OBSL1: variants seen among roughly 807,000 people sequenced by gnomAD.
OBSL1 encodes the protein obscurin like cytoskeletal adaptor 1.
OBSL1 carries 160 observed loss-of-function variants against 172.0 expected under a neutral mutation model. That is an observed-to-expected ratio of 0.93 (90% confidence interval 0.82 to 1.06). OBSL1 has a LOEUF of 1.06. OBSL1 is among the 50% of genes least tolerant of loss of function. OBSL1 has a pLI of 0.00. For synonymous variants in OBSL1, 1,200 were observed against 1,196.3 expected (o/e 1.00, Z -0.06); for missense variants, 2,681 against 2,715.4 (o/e 0.99, Z 0.28).
At chr2:219,547,372 T>G, downstream of OBSL1, 1 of 692,242 alleles carries the variant, frequency 1.4e-6, no homozygotes, top group African/African-American at 1.8e-5. Context: ...ATGACTCCAG[T>G]GACCCTCAAT....
At position 219,567,826 on chromosome 2, in the gene OBSL1, A is replaced by T. The variant is rs1346286364; in HGVS notation, c.1426T>A (p.Ser476Thr). The T allele has an allele frequency of 1.2e-6, 2 of 1,613,896 alleles. No homozygotes were observed. Among genetic ancestry groups the T allele is most frequent in the East Asian group, 4.5e-5 (2 of 44,878 alleles). ...EELPVICQSS[S>T]GHMHALVLPG... ...AGGACCAGGGCATGCATGTGGCCTG[A>T]GCTGCTCTGGCAGATGACCGGCAGC... Residue 476 changes from serine (S) to threonine (T), a missense_variant, in exon 3 of 21, where the codon TCA becomes ACA. This residue lies in a region of OBSL1 where 706 missense variants were observed against 695.8 expected (regional missense o/e 1.01). Coordinates refer to ENST00000404537, the MANE Select transcript of OBSL1 (RefSeq NM_015311.3).
intron 8 of OBSL1, among the ~76,000 whole-genome samples, chr2:219,561,378 C>T (rs557025087): frequency 6.6e-6 from 1 of 152,232 alleles, no homozygotes; most frequent in East Asian, 1.9e-4. Context: ...TCCGTCACTT[C>T]CACAGTTGTC....
In OBSL1 at chr2:219,570,302, C is replaced by T. The variant is rs2106113429; in HGVS notation, c.931G>A (p.Ala311Thr). 1.9e-6 allele frequency: 3 copies of T among 1,610,396 alleles called. No homozygotes were observed. In the East Asian group the frequency reaches 6.7e-5, roughly 36 times the overall value. Residue 311 changes from alanine to threonine, a missense_variant, in exon 1 of 21, where the codon GCC becomes ACC. Ala to Thr is a moderately conservative substitution (Grantham distance 58, BLOSUM62 0). Around this residue, in one of 5 missense-constraint regions of OBSL1, gnomAD observed 706 missense variants for 695.8 expected, o/e 1.01. Coordinates refer to ENST00000404537, the MANE Select transcript of OBSL1 (RefSeq NM_015311.3). Reference sequence around the variant, plus strand: ...CAGACGTAGAGCCCACGATCCTTGGCCTGGCAGTAAAGCACCTTGAGCACG... The same window carrying T: ...CAGACGTAGAGCCCACGATCCTTGGTCTGGCAGTAAAGCACCTTGAGCACG... ...GFVLKVLYCQ[A>T]KDRGLYVCAA...
Position 219,570,689 on chromosome 2 carries a change from C to G in OBSL1, c.544G>C (p.Gly182Arg). The change falls in exon 1 of 21, where the codon GGC becomes CGC. Residue 182 changes from glycine (G) to arginine (R), a missense_variant. Coordinates refer to ENST00000404537, the MANE Select transcript of OBSL1 (RefSeq NM_015311.3). Reference protein sequence around the residue: ...WDSSHFALQPGRAEDGPGASL... With the variant: ...WDSSHFALQPRRAEDGPGASL... Reference sequence around the variant, plus strand: ...GCGCCGGGGCCGTCCTCGGCGCGGCCCGGCTGGAGCGCGAAGTGGCTGCTG... The same window carrying G: ...GCGCCGGGGCCGTCCTCGGCGCGGCGCGGCTGGAGCGCGAAGTGGCTGCTG... 1.3e-6 allele frequency: 2 copies of G among 1,508,728 alleles called. No homozygotes were observed. The highest frequency in any genetic ancestry group is 1.8e-6 in the Non-Finnish European group (2 of 1,134,952). The allele number at this position is 1,508,728 out of a possible 1,614,324, so 93.5% of individuals were successfully genotyped here.
Position 219,553,659 on chromosome 2 carries a change from G to C in OBSL1, c.4904C>G (p.Pro1635Arg). Residue 1635 changes from proline (P) to arginine (R), a missense_variant, in exon 16 of 21, where the codon CCA becomes CGA. Physicochemically the swap from Pro to Arg is moderately radical, Grantham distance 103 (BLOSUM62 -2). Around this residue, in one of 5 missense-constraint regions of OBSL1, gnomAD observed 1,765 missense variants for 1,748.3 expected, o/e 1.01. Transcript: ENST00000404537. ...GCCCTCGGTCACCTCTAGGTCGTGTGGCCCCCGCACGATGGTCACTGGGAC... is the reference window on the plus strand; with the variant it reads ...GCCCTCGGTCACCTCTAGGTCGTGTCGCCCCCGCACGATGGTCACTGGGAC... ...REVPVTIVRG[P>R]HDLEVTEGDT... 1 of 1,613,742 alleles carries C rather than the reference G, an allele frequency of 6.2e-7. No individual in the cohort carries two copies. Among genetic ancestry groups the C allele is most frequent in the Non-Finnish European group, 8.5e-7 (1 of 1,179,820 alleles).
In OBSL1 at chr2:219,557,537, A is replaced by G. The variant is rs1696117136; in HGVS notation, c.3872T>C (p.Val1291Ala). Residue 1291 changes from valine (V) to alanine (A), a missense_variant, in exon 12 of 21, where the codon GTG (valine) becomes GCG (alanine). By Grantham distance (64) the Val-to-Ala change is moderately conservative. Coordinates refer to ENST00000404537, the MANE Select transcript of OBSL1 (RefSeq NM_015311.3). ...AGGGCCCCCTGGCCCGGAGAGGTGC[A>G]CCACCAGCTCTAGGTCCCCGCCTGG... ...STPGGDLELV[V>A]HLSGPGGPVR... 3 of 1,552,642 alleles carry G rather than the reference A, an allele frequency of 1.9e-6. No homozygotes were observed. The highest frequency in any genetic ancestry group is 2.0e-5 in the Admixed American group (1 of 51,158).
At chr2:219,569,875 A>C (rs1697208547) in intron 1 of OBSL1, among the ~76,000 whole-genome samples, 1 of 152,188 alleles carries the variant, frequency 6.6e-6, no homozygotes, top group South Asian at 2.1e-4. Context: ...TCTGGTTGTG[A>C]ATTCAGTGGG....
Position 219,568,137 on chromosome 2 carries a change from G to C in OBSL1, c.1200C>G (p.His400Gln). The C allele has an allele frequency of 6.2e-7, 1 of 1,613,880 alleles. No homozygotes were observed. Among genetic ancestry groups the C allele is most frequent in the Non-Finnish European group, 8.5e-7 (1 of 1,179,904 alleles). ...TACCATCATCGTCTGCCTTCAGCCT[G>C]TGGATGATGAGGCGCCGGACAGTGC... ...EEGTVRRLII[H>Q]RLKADDDGIY... The change falls in exon 2 of 21, where the codon CAC (histidine) becomes CAG (glutamine). Residue 400 changes from histidine to glutamine, a missense_variant. This residue lies in a region of OBSL1 where 706 missense variants were observed against 695.8 expected (regional missense o/e 1.01). Transcript: ENST00000404537. This position sits in a 1 kb window ranked among gnomAD's most constrained non-coding sequence, Gnocchi z 4.1.
downstream of OBSL1, chr2:219,547,239 C>T (rs533250567): frequency 2.5e-5 from 9 of 358,884 alleles, no homozygotes; most frequent in Non-Finnish European, 3.5e-5. Flanking sequence ...ATCCTAACTC[C>T]TGTGATCCTC....
rs1696024108 is a variant in OBSL1, at chr2:219,556,578, C to T, written c.4212G>A (p.Gln1404=). ...TTGAACCATTCTGGGCCATCTCCACCTGGGGCCCTGGAGTGACGACGGCCC... is the reference window on the plus strand; with the variant it reads ...TTGAACCATTCTGGGCCATCTCCACTTGGGGCCCTGGAGTGACGACGGCCC... ...RNGAVVTPGP[Q]VEMAQNGSSR... is the part of the protein sequence containing the mutation. Residue 1404 remains glutamine, a synonymous_variant, in exon 13 of 21, where the codon CAG becomes CAA. Coordinates refer to ENST00000404537, the MANE Select transcript of OBSL1 (RefSeq NM_015311.3). The T allele has an allele frequency of 6.2e-7, 1 of 1,613,890 alleles. No homozygotes were observed. The highest frequency in any genetic ancestry group is 8.5e-7 in the Non-Finnish European group (1 of 1,179,906).
In OBSL1 at chr2:219,551,391, C is replaced by T. The variant is rs919662635; in HGVS notation, c.5683+138G>A. ...GCCCTGGGTGTGCTCTACCCCTCCC[C>T]TCCCCCATCCCCACCTCCTACGTAT... is the stretch of plus-strand genomic sequence containing the variant. On this transcript the variant is annotated intron_variant, in intron 20 of 20. Transcript: ENST00000404537. 1.6e-5 allele frequency: 22 copies of T among 1,363,296 alleles called. No individual in the cohort carries two copies. The African/African-American group carries it at 3.1e-4, about 19-fold the overall frequency. 84.4% of individuals were successfully genotyped at this position (1,363,296 alleles called of 1,614,324 possible).
In OBSL1 at chr2:219,556,164, G is replaced by A. The variant is rs747588851; in HGVS notation, c.4465C>T (p.Pro1489Ser). 9.3e-6 allele frequency: 15 copies of A among 1,613,422 alleles called. No homozygotes were observed. The highest frequency in any genetic ancestry group is 1.1e-5 in the Non-Finnish European group (13 of 1,179,782). Residue 1489 changes from proline (P) to serine (S), a missense_variant, in exon 14 of 21, where the codon CCC (proline) becomes TCC (serine). Around this residue, in one of 5 missense-constraint regions of OBSL1, gnomAD observed 1,765 missense variants for 1,748.3 expected, o/e 1.01. Transcript: ENST00000404537. The part of the protein sequence containing the change: ...GAVRWVRGGQ[P>S]LPHDSRLSMA... ...GACAGGCGAGAGTCGTGGGGCAGGG[G>A]CTGCCCACCTCGCACCCAGCGCACG...
chr2:219,568,005 T>C lies in OBSL1; in HGVS notation c.1283-36A>G. 6.2e-7 allele frequency: 1 copy of C among 1,609,298 alleles called. No homozygotes were observed. The highest frequency in any genetic ancestry group is 8.5e-7 in the Non-Finnish European group (1 of 1,176,238). Reference sequence around the variant, plus strand: ...GACAGGAATCCATCAACCTGGAATCTGAGCACCTGCCTGCCTCCGCCTCAG... The same window carrying C: ...GACAGGAATCCATCAACCTGGAATCCGAGCACCTGCCTGCCTCCGCCTCAG... On this transcript the variant is annotated intron_variant, in intron 2 of 20. Transcript: ENST00000404537. The surrounding 1 kb of genome is among the most constrained non-coding windows in gnomAD (Gnocchi z 4.1).
At chr2:219,550,896 C>T (rs928701332) in intron 20 of OBSL1, 54 bp from the exon 21 acceptor site, 5 of 1,595,306 alleles carry the variant, frequency 3.1e-6, no homozygotes, top group Non-Finnish European at 4.3e-6. Context: ...TACCACCTTC[C>T]TCTCCCCTGG....
chr2:219,557,073 A>G (rs893545802), intron 12 of OBSL1: 4 of 481,942 alleles, frequency 8.3e-6, no homozygotes, highest in African/African-American at 3.9e-5. Flanking sequence ...AACTTGGCCA[A>G]TGTCACACAG....
rs774620411 is a variant in OBSL1 at position 219,566,887 on chromosome 2, C to G, written c.2077G>C (p.Ala693Pro). ...CCGGGGCAGCTGAAGCCGACCAGGG[C>G]ACCGCTGTCCTGGTGCTTGACGGCA... is the stretch of plus-strand genomic sequence containing the variant. ...LHAVKHQDSGALVGFSCPGVQ... is the reference protein window; with the variant it reads ...LHAVKHQDSGPLVGFSCPGVQ... Residue 693 changes from alanine to proline, a missense_variant, in exon 5 of 21, where the codon GCC (alanine) becomes CCC (proline). Ala to Pro is a conservative substitution (Grantham distance 27). Coordinates refer to ENST00000404537, the MANE Select transcript of OBSL1 (RefSeq NM_015311.3). 4.9e-5 allele frequency: 79 copies of G among 1,604,642 alleles called. No individual in the cohort carries two copies. The highest frequency in any genetic ancestry group is 6.4e-5 in the Non-Finnish European group (75 of 1,172,220).
At chr2:219,559,582 C>T (rs1043030503) in intron 8 of OBSL1, 85 bp from the exon 9 acceptor site, 1 of 1,209,124 alleles carries the variant, frequency 8.3e-7, no homozygotes, top group Non-Finnish European at 1.2e-6. Context: ...TCCCTATCAC[C>T]CACATAATAA....
chr2:219,558,118 A>AGAGAGGAAG lies in OBSL1; in HGVS notation c.3503-17_3503-9dup, dbSNP rs1462128856. On this transcript the variant is annotated splice_polypyrimidine_tract_variant and intron_variant, in intron 10 of 20. Transcript: ENST00000404537. ...GGAACTGCACTGGAGGCTCTGGAGA[A>AGAGAGGAAG]GAGAGGAAGGTGTCATCCCATGCTT... 1 of 1,612,984 alleles carries AGAGAGGAAG rather than the reference A, an allele frequency of 6.2e-7. No individual in the cohort carries two copies. Among genetic ancestry groups the AGAGAGGAAG allele is most frequent in the South Asian group, 1.1e-5 (1 of 91,034 alleles).
chr2:219,550,781 G>T lies in OBSL1; in HGVS notation c.*54C>A. 1 of 1,599,064 alleles carries T rather than the reference G, an allele frequency of 6.3e-7. No homozygotes were observed. Among genetic ancestry groups the T allele is most frequent in the African/African-American group, 1.3e-5 (1 of 74,756 alleles). ...TCTCTCTACCCCTGCCCAGGGTAAGGGCAAACGCCTTCCAAGCTGTCCAAG... is the reference window on the plus strand; with the variant it reads ...TCTCTCTACCCCTGCCCAGGGTAAGTGCAAACGCCTTCCAAGCTGTCCAAG... On this transcript the variant is annotated 3_prime_UTR_variant, in exon 21 of 21. Transcript: ENST00000404537.
Sources: gnomAD v4.1 joint callset for allele counts (sites outside exome capture counted in the v4.1 genomes callset) on GRCh38, gnomAD v4.1.1 for gene constraint, gnomAD v4.1.1 regional missense constraint, Gnocchi (gnomAD v3.1) non-coding constraint, MANE v1.5 for transcripts, NCBI Gene and HGNC (gene_info 2026-07-23, HGNC 2026-07-21) for gene names.